Variants in RPS6KA2 observed in about 807,000 individuals in gnomAD.
RPS6KA2 encodes ribosomal protein S6 kinase A2, also known as ribosomal protein S6 kinase alpha-2.
RPS6KA2 carries 42 observed loss-of-function variants against 91.8 expected under a neutral mutation model. The ratio of observed to expected loss-of-function variants is 0.46; its 90% CI spans 0.36 to 0.59. The LOEUF (loss-of-function observed/expected upper bound fraction) is 0.59, where lower values mean the gene tolerates loss of function less well. RPS6KA2 is among the 20% of genes least tolerant of loss of function. RPS6KA2 has a pLI of 0.00. For missense variants in RPS6KA2, 798 were observed against 978.5 expected (o/e 0.82, Z 2.46); for synonymous variants, 414 against 393.6 (o/e 1.05, Z -0.61).
intron 10 of RPS6KA2, among the ~76,000 whole-genome samples, chr6:166,486,111 T>C (rs938295431): frequency 6.6e-6 from 1 of 152,108 alleles, no homozygotes; most frequent in African/African-American, 2.4e-5. Context: ...TCACCACTGA[T>C]GAAAAGGAGG....
chr6:166,721,836 TGCCAGCTCAGAGGAGGAGCC>T (rs1790184272), intron 2 of RPS6KA2, among the ~76,000 whole-genome samples: 2 of 151,160 alleles, frequency 1.3e-5, no homozygotes, highest in East Asian at 3.9e-4. Context: ...GAGGAGCCGG[TGCCAGCTCAGAGGAGGAGCC>T]GGTGCCAGCC....
chr6:166,586,314 C>T, intron 1 of RPS6KA2: 1 of 1,599,186 alleles, frequency 6.3e-7, no homozygotes, highest in South Asian at 1.1e-5. Context: ...CAACCGATTG[C>T]CTCTGTTTCT....
At chr6:166,641,123 C>T (rs184797241) in intron 2 of RPS6KA2, among the ~76,000 whole-genome samples, 1 of 152,258 alleles carries the variant, frequency 6.6e-6, no homozygotes, top group Non-Finnish European at 1.5e-5. Flanking sequence ...ATGCTTTAAA[C>T]ACGTGTCACA....
chr6:166,581,364 C>T (rs1275389334), intron 1 of RPS6KA2, among the ~76,000 whole-genome samples: 1 of 152,150 alleles, frequency 6.6e-6, no homozygotes, highest in Non-Finnish European at 1.5e-5. Flanking sequence ...CCTTCTGGGG[C>T]CTAGGCCTCT....
intron 2 of RPS6KA2, among the ~76,000 whole-genome samples, chr6:166,643,951 G>A (rs1787527656): frequency 6.6e-6 from 1 of 152,230 alleles, no homozygotes; most frequent in Non-Finnish European, 1.5e-5. Flanking sequence ...CACAGTGCCT[G>A]TTACTGATGG....
chr6:166,572,872 G>T (rs932455026), intron 1 of RPS6KA2, among the ~76,000 whole-genome samples: 1 of 152,238 alleles, frequency 6.6e-6, no homozygotes, highest in African/African-American at 2.4e-5. Context: ...CTGCACGTTC[G>T]GGTCTACCCC....
chr6:166,451,448 C>T (rs759198836), intron 12 of RPS6KA2, among the ~76,000 whole-genome samples: 2 of 151,772 alleles, frequency 1.3e-5, no homozygotes, highest in Middle Eastern at 3.4e-3. Flanking sequence ...TTGGCTTGTG[C>T]TAATGGTTTG....
rs928948187 is a variant in RPS6KA2, at chr6:166,603,154, G to A, written c.99+23767C>T. Among the ~76,000 whole-genome samples, 9 of 152,332 alleles carry A rather than the reference G, an allele frequency of 5.9e-5. No individual in the cohort carries two copies. In the East Asian group the frequency reaches 7.7e-4, roughly 13 times the overall value. The stretch of plus-strand genomic sequence containing the variant: ...AGCTTAGTCTAAAAGGGATCTGGGC[G>A]GGATATCAAGAACCAAACATCACAG... On this transcript the variant is annotated intron_variant, in intron 1 of 20. Transcript: ENST00000265678. The surrounding 1 kb of genome is among the most constrained non-coding windows in gnomAD (Gnocchi z 4.3).
rs1165072062 is a variant in RPS6KA2 at position 166,437,738 on chromosome 6, A to G, written c.1333-5248T>C. On this transcript the variant is annotated intron_variant, in intron 14 of 20. Coordinates refer to ENST00000265678, the MANE Select transcript of RPS6KA2 (RefSeq NM_021135.6). This position sits in a 1 kb window ranked among gnomAD's most constrained non-coding sequence, Gnocchi z 4.3. ...GATCTTCCTGAGCACGGACACATGC[A>G]GCCATGTGCCAAACAAACACTGCCA... 2.0e-5 allele frequency among the ~76,000 whole-genome samples: 3 copies of G among 152,168 alleles called. No homozygotes were observed. The highest frequency in any genetic ancestry group is 2.9e-5 in the Non-Finnish European group (2 of 68,036).
intron 1 of RPS6KA2, among the ~76,000 whole-genome samples, chr6:166,588,990 G>A (rs1328084145): frequency 6.6e-6 from 1 of 152,190 alleles, no homozygotes; most frequent in Non-Finnish European, 1.5e-5. Context: ...CATCTAGGAG[G>A]TGGGTGGCAA....
intron 2 of RPS6KA2, among the ~76,000 whole-genome samples, chr6:166,804,125 C>T (rs1233731699): frequency 1.3e-5 from 2 of 151,506 alleles, no homozygotes; most frequent in Admixed American, 6.6e-5. Flanking sequence ...TCAAGCAATA[C>T]AGTGTGAGAT....
chr6:166,772,484 A>G (rs1778500386), intron 2 of RPS6KA2, among the ~76,000 whole-genome samples: 1 of 152,244 alleles, frequency 6.6e-6, no homozygotes. Flanking sequence ...ATCTCTTTCA[A>G]TGGTGTGAGC....
At chr6:166,627,699 C>G (rs892334955), upstream of RPS6KA2, 9 of 152,246 alleles carry the variant, frequency 5.9e-5, no homozygotes, top group African/African-American at 2.2e-4. Context: ...TCCGGAGCCG[C>G]GCAGTCGCGG....
intron 3 of RPS6KA2, among the ~76,000 whole-genome samples, chr6:166,524,087 A>T (rs1194918537): frequency 2.0e-5 from 3 of 152,154 alleles, no homozygotes; most frequent in Admixed American, 2.0e-4. Flanking sequence ...CATGAGAGTG[A>T]CCCACCACAC....
intron 11 of RPS6KA2, among the ~76,000 whole-genome samples, chr6:166,462,014 G>A (rs1317177926): frequency 6.6e-6 from 1 of 152,208 alleles, no homozygotes; most frequent in Non-Finnish European, 1.5e-5. Context: ...CTCCCAAGGG[G>A]TGGAGGCCAG....
In RPS6KA2 at chr6:166,695,370, A is replaced by G. The variant is rs545897833; in HGVS notation, c.124-156586T>C. The stretch of plus-strand genomic sequence containing the variant: ...CGGAGCCAGAGAAAAGCGCAGTGTC[A>G]TTGAGGAGACCCACAGAGACGTACA... On this transcript the variant is annotated intron_variant, in intron 2 of 21. Coordinates refer to the RPS6KA2 transcript ENST00000503859. Among the ~76,000 whole-genome samples the G allele has an allele frequency of 5.9e-5, 9 of 152,372 alleles. No individual in the cohort carries two copies. The East Asian group carries it at 1.7e-3, about 29-fold the overall frequency.
rs1784129476 is a variant in RPS6KA2 at position 166,554,752 on chromosome 6, T to A, written c.100-15968A>T. Among the ~76,000 whole-genome samples the A allele has an allele frequency of 6.6e-6, 1 of 152,108 alleles. No individual in the cohort carries two copies. The highest frequency in any genetic ancestry group is 1.5e-5 in the Non-Finnish European group (1 of 68,012). ...CTAAGCAAACAAGTCTGACCTTCCA[T>A]CCCTAGGAAAGGCCTACTTATGATG... is the stretch of plus-strand genomic sequence containing the variant. On this transcript the variant is annotated intron_variant, in intron 1 of 20. Coordinates refer to ENST00000265678, the MANE Select transcript of RPS6KA2 (RefSeq NM_021135.6). The surrounding 1 kb of genome is among the most constrained non-coding windows in gnomAD (Gnocchi z 4.3).
chr6:166,701,260 C>A (rs1466404884), intron 2 of RPS6KA2: 1 of 1,612,088 alleles, frequency 6.2e-7, no homozygotes, highest in African/African-American at 1.3e-5. Flanking sequence ...TGTCTGGTCA[C>A]AAGGGACAAC....
At chr6:166,641,725 A>C (rs1787442315) in intron 2 of RPS6KA2, among the ~76,000 whole-genome samples, 2 of 60,772 alleles carry the variant, frequency 3.3e-5, no homozygotes, top group Admixed American at 1.6e-4. Flanking sequence ...GTCACAAAAA[A>C]AAAAAAAAAA....
Sources: allele counts gnomAD v4.1 joint callset (sites outside exome capture counted in the v4.1 genomes callset), GRCh38; gene constraint gnomAD v4.1.1; non-coding constraint Gnocchi (gnomAD v3.1); transcripts MANE v1.5; gene names NCBI Gene and HGNC (gene_info 2026-07-23, HGNC 2026-07-21).